ATL1: variants seen among roughly 807,000 people sequenced by gnomAD.
ATL1 encodes atlastin-1.
Under a neutral mutation model 75.5 loss-of-function variants are expected in ATL1, and 31 were observed. That is an observed-to-expected ratio of 0.41 (90% CI 0.31 to 0.55). The LOEUF is 0.55. ATL1 is among the 20% of genes least tolerant of loss of function. ATL1 has a pLI of 0.27. For synonymous variants in ATL1, 226 were observed against 233.3 expected (o/e 0.97, Z 0.28); for missense variants, 405 against 662.6 (o/e 0.61, Z 4.27).
intron 6 of ATL1, among the ~76,000 whole-genome samples, chr14:50,607,316 G>C (rs2039324588): frequency 6.6e-6 from 1 of 152,054 alleles, no homozygotes; most frequent in African/African-American, 2.4e-5. Context: ...GTGAACTATA[G>C]AGCTCTGCTG....
At chr14:50,629,636 G>A (rs1032567481) in intron 12 of ATL1, among the ~76,000 whole-genome samples, 7 of 150,326 alleles carry the variant, frequency 4.7e-5, no homozygotes, top group Admixed American at 1.3e-4. Flanking sequence ...TAATTGTAAC[G>A]TGCCTTTGAA....
chr14:50,623,116 C>A lies in ATL1; in HGVS notation c.1048-61C>A, dbSNP rs553008327. On this transcript the variant is annotated intron_variant, in intron 10 of 13. Coordinates refer to ENST00000358385, the MANE Select transcript of ATL1 (RefSeq NM_015915.5). ...ACATGATGCTCTGAAATGTGAACTG[C>A]CTGTGGAAGTTTAATCAATATGAAC... 7 of 1,400,832 alleles carry A rather than the reference C, an allele frequency of 5.0e-6. 1 individual carries two copies. In the East Asian group the frequency reaches 1.1e-4, roughly 23 times the overall value. 86.8% of individuals were successfully genotyped at this position (1,400,832 alleles called of 1,614,324 possible).
chr14:50,547,536 A>C (rs2038649033), intron 1 of ATL1, among the ~76,000 whole-genome samples: 1 of 152,206 alleles, frequency 6.6e-6, no homozygotes, highest in African/African-American at 2.4e-5. Context: ...ACGAAGATGA[A>C]ATAATACTGC....
At chr14:50,632,173 A>G (rs2140242938) in intron 13 of ATL1, 56 bp from the exon 14 acceptor site, 3 of 1,338,006 alleles carry the variant, frequency 2.2e-6, no homozygotes, top group Non-Finnish European at 3.1e-6. Flanking sequence ...AAAGGAAAAA[A>G]TTTTACATCT....
intron 1 of ATL1, among the ~76,000 whole-genome samples, chr14:50,584,912 T>C (rs919819732): frequency 1.3e-5 from 2 of 152,018 alleles, no homozygotes; most frequent in African/African-American, 2.4e-5. Context: ...AAAGGCAAAC[T>C]CTTAGAAACT....
chr14:50,546,121 C>A (rs979060892), intron 1 of ATL1, among the ~76,000 whole-genome samples: 3 of 152,044 alleles, frequency 2.0e-5, no homozygotes, highest in African/African-American at 7.2e-5. Flanking sequence ...GTTAGAAACT[C>A]ATTTGAAACT....
chr14:50,614,421 C>T lies in ATL1; in HGVS notation c.772C>T (p.His258Tyr), dbSNP rs1474964193. ...ACTACAGAACGTCAGAAAACACATC[C>T]ATTCCTGTTTCACCAACATTTCCTG... ...EELQNVRKHI[H>Y]SCFTNISCFL... The change falls in exon 8 of 14, where the codon CAT becomes TAT. Residue 258 changes from histidine to tyrosine, a missense_variant. Physicochemically the swap from His to Tyr is moderately conservative, Grantham distance 83. Coordinates refer to ENST00000358385, the MANE Select transcript of ATL1 (RefSeq NM_015915.5). The T allele has an allele frequency of 6.2e-7, 1 of 1,613,828 alleles. No individual in the cohort carries two copies. The highest frequency in any genetic ancestry group is 1.3e-5 in the African/African-American group (1 of 74,922).
chr14:50,565,389 G>T, intron 1 of ATL1, among the ~76,000 whole-genome samples: 1 of 151,798 alleles, frequency 6.6e-6, no homozygotes, highest in East Asian at 1.9e-4. Flanking sequence ...GGAAGCTGAG[G>T]CAGGAGGATC....
chr14:50,610,455 A>T (rs1871140364), intron 6 of ATL1, among the ~76,000 whole-genome samples: 1 of 152,138 alleles, frequency 6.6e-6, no homozygotes, highest in Non-Finnish European at 1.5e-5. Flanking sequence ...GTACTCAGGA[A>T]ATACAGCAAT....
At chr14:50,614,257 T>C in intron 7 of ATL1, 116 bp from the exon 8 acceptor site, 1 of 1,140,014 alleles carries the variant, frequency 8.8e-7, no homozygotes, top group Non-Finnish European at 1.3e-6. Context: ...AGCAGCCCTG[T>C]CGTGTCATTT....
At chr14:50,540,084 G>A (rs1162642646) in intron 1 of ATL1, among the ~76,000 whole-genome samples, 1 of 152,192 alleles carries the variant, frequency 6.6e-6, no homozygotes, top group Non-Finnish European at 1.5e-5. Context: ...GATGATGATT[G>A]GGAGCCCACA....
chr14:50,605,700 A>T (rs1055748075), intron 6 of ATL1, among the ~76,000 whole-genome samples: 1 of 152,068 alleles, frequency 6.6e-6, no homozygotes, highest in African/African-American at 2.4e-5. Context: ...ATGTTTTAAT[A>T]AACAGCTGGA....
intron 1 of ATL1, among the ~76,000 whole-genome samples, chr14:50,575,611 CATAA>C (rs1478648378): frequency 1.3e-5 from 2 of 152,078 alleles, no homozygotes; most frequent in Admixed American, 6.5e-5. Context: ...TAGGAAGGGA[CATAA>C]ATAGTTTAAG....
intron 5 of ATL1, among the ~76,000 whole-genome samples, chr14:50,594,740 A>C (rs570232960): frequency 6.6e-6 from 1 of 152,320 alleles, no homozygotes; most frequent in South Asian, 2.1e-4. Context: ...TACGCCTGTA[A>C]TCCCAGCAGT....
At chr14:50,561,819 G>A (rs927603144) in intron 1 of ATL1, among the ~76,000 whole-genome samples, 19 of 152,086 alleles carry the variant, frequency 1.2e-4, no homozygotes, top group African/African-American at 4.1e-4. Context: ...ATTTAAGTAA[G>A]CATTTGCAGT....
rs748365797 is a variant in ATL1, at chr14:50,571,700, T to G, written c.34+11401T>G. On this transcript the variant is annotated intron_variant, in intron 1 of 13. Transcript: ENST00000358385. The stretch of plus-strand genomic sequence containing the variant: ...TCCAGGCTAGTCATGTTGTATTTCC[T>G]TTTTTAATACATTACTGGGTTTGCT... Among the ~76,000 whole-genome samples the G allele has an allele frequency of 3.3e-5, 5 of 152,350 alleles. No individual in the cohort carries two copies. In the South Asian group the frequency reaches 1.0e-3, roughly 32 times the overall value.
At chr14:50,615,708 G>T (rs575385469) in intron 8 of ATL1, among the ~76,000 whole-genome samples, 58 of 152,262 alleles carry the variant, frequency 3.8e-4, no homozygotes, top group African/African-American at 1.3e-3. Context: ...TCAGTATTGT[G>T]CAATTACCTA....
chr14:50,563,978 C>T (rs2038876610), intron 1 of ATL1, among the ~76,000 whole-genome samples: 1 of 152,020 alleles, frequency 6.6e-6, no homozygotes, highest in African/African-American at 2.4e-5. Flanking sequence ...TATTCAAATT[C>T]AGAGTTGTTT....
upstream of ATL1, among the ~76,000 whole-genome samples, chr14:50,557,037 T>C (rs951554240): frequency 2.0e-5 from 3 of 152,212 alleles, no homozygotes; most frequent in African/African-American, 7.2e-5. Flanking sequence ...ATGGCAATTC[T>C]ATGTTTAACT....
Sources: allele counts gnomAD v4.1 joint callset (sites outside exome capture counted in the v4.1 genomes callset), GRCh38; gene constraint gnomAD v4.1.1; transcripts MANE v1.5; gene names NCBI Gene and HGNC (gene_info 2026-07-23, HGNC 2026-07-21).